Variants in AHDC1 observed in about 807,000 individuals in gnomAD.
The protein encoded by AHDC1 is AT-hook DNA binding motif containing 1, also known as transcription factor Gibbin.
In AHDC1, 7 loss-of-function variants were observed where a neutral mutation model predicts 87.9. The observed-to-expected ratio is 0.08, with a 90% confidence interval of 0.05 to 0.15. The LOEUF is 0.15. Among genes scored for constraint, AHDC1 ranks in the 10% least tolerant of loss-of-function variants. AHDC1 has a pLI of 1.00. For missense variants in AHDC1, 1,841 were observed against 2,253.2 expected, an observed-to-expected ratio of 0.82 and a Z score of 3.70; for synonymous variants, 1,051 against 1,006.8, an observed-to-expected ratio of 1.04 and a Z score of -0.83.
At chr1:27,581,347 A>T (rs1198740653) in intron 3 of AHDC1, among the ~76,000 whole-genome samples, 1 of 152,122 alleles carries the variant, frequency 6.6e-6, no homozygotes, top group African/African-American at 2.4e-5. Context: ...TATATTTTTA[A>T]AAAAAATTTT....
chr1:27,591,300 TCTGGC>T (rs2089214509), intron 3 of AHDC1, among the ~76,000 whole-genome samples: 1 of 152,162 alleles, frequency 6.6e-6, no homozygotes, highest in East Asian at 1.9e-4. Context: ...GCCTCCCCGC[TCTGGC>T]ACCACACCCA....
intron 3 of AHDC1, among the ~76,000 whole-genome samples, chr1:27,584,605 G>C (rs760585947): frequency 6.6e-6 from 1 of 152,130 alleles, no homozygotes; most frequent in African/African-American, 2.4e-5. Flanking sequence ...AGCTCTCTGA[G>C]GCCAACCCTT....
At chr1:27,540,731 G>A (rs1219574665) in intron 8 of AHDC1, among the ~76,000 whole-genome samples, 1 of 152,044 alleles carries the variant, frequency 6.6e-6, no homozygotes, top group Non-Finnish European at 1.5e-5. Context: ...GCTCCCTCCT[G>A]TTTCCACACA....
intron 3 of AHDC1, among the ~76,000 whole-genome samples, chr1:27,572,108 G>A (rs1557688616): frequency 2.0e-5 from 3 of 152,046 alleles, no homozygotes; most frequent in Admixed American, 6.5e-5. Flanking sequence ...GAAATGGAGG[G>A]GGTTGCTTAT....
intron 3 of AHDC1, among the ~76,000 whole-genome samples, chr1:27,566,037 A>G (rs75312550): frequency 0.015 from 2,287 of 152,250 alleles, 54 homozygotes; most frequent in African/African-American, 0.052. Flanking sequence ...GTGACTCTGG[A>G]GCCCTGCCCC....
chr1:27,544,033 C>A (rs1456385200), intron 8 of AHDC1, among the ~76,000 whole-genome samples: 1 of 152,064 alleles, frequency 6.6e-6, no homozygotes, highest in African/African-American at 2.4e-5. Context: ...TGAGAGGCAG[C>A]CATATGGCAG....
chr1:27,602,666 G>C (rs990231971), intron 3 of AHDC1, among the ~76,000 whole-genome samples: 1 of 152,168 alleles, frequency 6.6e-6, no homozygotes, highest in Admixed American at 6.5e-5. Flanking sequence ...GGGGAAGAGG[G>C]GGCCGATTCA....
chr1:27,549,221 G>T lies in AHDC1; in HGVS notation c.2895C>A (p.Asn965Lys). ...AGCCGCCGTACTGGGGCAGGTAGGTGTTGGCAGGCGGGTGGGTGGTAGGTG... is the reference window on the plus strand; with the variant it reads ...AGCCGCCGTACTGGGGCAGGTAGGTTTTGGCAGGCGGGTGGGTGGTAGGTG... Reference protein sequence around the residue: ...ARSPTTHPPANTYLPQYGGYG... With the variant: ...ARSPTTHPPAKTYLPQYGGYG... Residue 965 changes from asparagine to lysine, a missense_variant, in exon 8 of 9, where the codon AAC becomes AAA. Physicochemically the swap from Asn to Lys is moderately conservative, Grantham distance 94 (BLOSUM62 0). Transcript: ENST00000673934. 1 of 1,603,664 alleles carries T rather than the reference G, an allele frequency of 6.2e-7. No homozygotes were observed. Among genetic ancestry groups the T allele is most frequent in the Non-Finnish European group, 8.5e-7 (1 of 1,174,666 alleles).
chr1:27,580,394 C>T (rs960963035), intron 3 of AHDC1, among the ~76,000 whole-genome samples: 1 of 152,196 alleles, frequency 6.6e-6, no homozygotes, highest in Non-Finnish European at 1.5e-5. Context: ...TGCGTCGTCT[C>T]TCCTCAGAGC....
At chr1:27,554,368 CGTGACTGGCT>C (rs1443413205) in intron 5 of AHDC1, among the ~76,000 whole-genome samples, 1 of 152,220 alleles carries the variant, frequency 6.6e-6, no homozygotes, top group Non-Finnish European at 1.5e-5. Context: ...CAATTACTTG[CGTGACTGGCT>C]GTTTAGTGTG....
intron 3 of AHDC1, among the ~76,000 whole-genome samples, chr1:27,592,525 G>A (rs989446938): frequency 4.6e-5 from 7 of 152,116 alleles, no homozygotes; most frequent in African/African-American, 9.7e-5. Context: ...CTGCAGCATC[G>A]CCATGGCAAC....
intron 3 of AHDC1, among the ~76,000 whole-genome samples, chr1:27,566,381 A>C (rs1282741396): frequency 6.6e-6 from 1 of 151,700 alleles, no homozygotes; most frequent in African/African-American, 2.4e-5. Context: ...GAAGAGAGAG[A>C]GACAAGGAGA....
chr1:27,541,494 T>C (rs977825279), intron 8 of AHDC1, among the ~76,000 whole-genome samples: 2 of 151,624 alleles, frequency 1.3e-5, no homozygotes, highest in African/African-American at 4.9e-5. Context: ...AACTTTTGTG[T>C]TTTTAGTAGA....
intron 3 of AHDC1, among the ~76,000 whole-genome samples, chr1:27,566,272 CAGA>C (rs1331676940): frequency 1.3e-5 from 2 of 151,480 alleles, no homozygotes; most frequent in African/African-American, 4.9e-5. Context: ...CAGAAAGAGG[CAGA>C]AGGAGAAAAA....
Position 27,548,841 on chromosome 1 carries a change from AAGGAGG to A in AHDC1, c.3269_3274del (p.Ser1090_Ser1091del), listed in dbSNP as rs530256606. 59 of 1,611,726 alleles carry A rather than the reference AAGGAGG, an allele frequency of 3.7e-5. No homozygotes were observed. Among genetic ancestry groups the A allele is most frequent in the African/African-American group, 2.3e-4 (17 of 74,960 alleles). ...CCGACAGTTCTCGGGCGAGGGCTGG[AAGGAGG>A]AGGAGGAGGAGGAGGCGGCAGAGGC... On this transcript the variant is annotated inframe_deletion, in exon 8 of 9. Coordinates refer to ENST00000673934, the MANE Select transcript of AHDC1 (RefSeq NM_001371928.1).
chr1:27,549,560 G>C lies in AHDC1; in HGVS notation c.2556C>G (p.Leu852=). Residue 852 remains leucine, a synonymous_variant, in exon 8 of 9, where the codon CTC becomes CTG. Transcript: ENST00000673934. ...SLLDSDDSSD[L]LDFALSASRP... is the part of the protein sequence containing the mutation. Reference sequence around the variant, plus strand: ...GAGAGGCTGAGAGGGCAAAGTCCAAGAGATCGGAGGAGTCATCCGAATCGA... The same window carrying C: ...GAGAGGCTGAGAGGGCAAAGTCCAACAGATCGGAGGAGTCATCCGAATCGA... The C allele has an allele frequency of 6.2e-7, 1 of 1,613,230 alleles. No homozygotes were observed. Among genetic ancestry groups the C allele is most frequent in the South Asian group, 1.1e-5 (1 of 91,090 alleles).
chr1:27,549,455 G>C lies in AHDC1; in HGVS notation c.2661C>G (p.Thr887=), dbSNP rs1357450053. 1 of 1,612,914 alleles carries C rather than the reference G, an allele frequency of 6.2e-7. No individual in the cohort carries two copies. Among genetic ancestry groups the C allele is most frequent in the Non-Finnish European group, 8.5e-7 (1 of 1,179,812 alleles). The change falls in exon 8 of 9, where the codon ACC becomes ACG. Residue 887 remains threonine (T), a synonymous_variant. Transcript: ENST00000673934. ...SALPAQRGLA[T]FPSRGAKASP... is the part of the protein sequence containing the mutation. ...TGGCCTTGGCTCCCCGGCTAGGGAA[G>C]GTGGCCAGGCCCCGCTGGGCAGGCA...
At chr1:27,577,350 G>A (rs916019899) in intron 3 of AHDC1, among the ~76,000 whole-genome samples, 1 of 152,222 alleles carries the variant, frequency 6.6e-6, no homozygotes, top group African/African-American at 2.4e-5. Flanking sequence ...GCGGCAGCTA[G>A]AGGGGCCCCC....
In AHDC1 at chr1:27,550,280, G is replaced by A. The variant is rs1571238209; in HGVS notation, c.1836C>T (p.Tyr612=). Residue 612 remains tyrosine (Y), a synonymous_variant, in exon 8 of 9, where the codon TAC becomes TAT. Coordinates refer to ENST00000673934, the MANE Select transcript of AHDC1 (RefSeq NM_001371928.1). ...AADANDSKAE[Y]SDVLAKLAFL... is the part of the protein sequence containing the mutation. ...AGGCCAGCTTGGCCAGGACGTCTGA[G>A]TACTCGGCCTTGCTGTCGTTGGCGT... 1.2e-6 allele frequency: 2 copies of A among 1,614,052 alleles called. No homozygotes were observed. Among genetic ancestry groups the A allele is most frequent in the Admixed American group, 1.7e-5 (1 of 60,036 alleles).
Sources: allele counts gnomAD v4.1 joint callset (sites outside exome capture counted in the v4.1 genomes callset), GRCh38; gene constraint gnomAD v4.1.1; transcripts MANE v1.5; gene names NCBI Gene and HGNC (gene_info 2026-07-23, HGNC 2026-07-21).